The following KAZN variants were observed in gnomAD, a reference collection of about 807,000 sequenced individuals.
The protein encoded by KAZN is kazrin.
Under a neutral mutation model 87.4 loss-of-function variants are expected in KAZN, and 40 were observed. That is an observed-to-expected ratio of 0.46 (90% CI 0.36 to 0.60). The LOEUF (loss-of-function observed/expected upper bound fraction) is 0.60. Among genes scored for constraint, KAZN ranks in the 20% least tolerant of loss-of-function variants. KAZN has a pLI of 0.00. For synonymous variants in KAZN, 466 were observed against 458.3 expected (o/e 1.02, Z -0.22); for missense variants, 898 against 1,073.9 (o/e 0.84, Z 2.29).
intron 1 of KAZN, among the ~76,000 whole-genome samples, chr1:14,842,463 G>A (rs1470487299): frequency 6.6e-6 from 1 of 152,210 alleles, no homozygotes; most frequent in Non-Finnish European, 1.5e-5. Context: ...GCACTGCAGG[G>A]AGGCCCTGGG....
intron 1 of KAZN, among the ~76,000 whole-genome samples, chr1:13,969,294 G>T (rs1403592247): frequency 6.6e-6 from 1 of 152,200 alleles, no homozygotes; most frequent in African/African-American, 2.4e-5. Flanking sequence ...GATGTCATTA[G>T]TTAAGTTAAA....
intron 2 of KAZN, among the ~76,000 whole-genome samples, chr1:14,316,846 T>C (rs72644464): frequency 0.073 from 11,110 of 152,034 alleles, 567 homozygotes; most frequent in Non-Finnish European, 0.11. Flanking sequence ...TTTCCAGATA[T>C]TTTTCTATCA....
chr1:14,140,038 A>G (rs1390093975), intron 1 of KAZN, among the ~76,000 whole-genome samples: 1 of 151,926 alleles, frequency 6.6e-6, no homozygotes, highest in Non-Finnish European at 1.5e-5. Context: ...GACACACCAT[A>G]TAGGCATCCA....
chr1:14,555,348 A>T (rs1435349075), intron 2 of KAZN, among the ~76,000 whole-genome samples: 1 of 152,240 alleles, frequency 6.6e-6, no homozygotes, highest in African/African-American at 2.4e-5. Flanking sequence ...TTTAGCAATT[A>T]CAGTAATAGT....
chr1:14,905,371 T>C (rs986491843), intron 1 of KAZN, among the ~76,000 whole-genome samples: 31 of 152,150 alleles, frequency 2.0e-4, no homozygotes, highest in African/African-American at 7.5e-4. Context: ...CAGGAAATGC[T>C]CTTGGGCTAG....
chr1:14,881,305 C>T (rs1352171454), intron 1 of KAZN, among the ~76,000 whole-genome samples: 2 of 152,206 alleles, frequency 1.3e-5, no homozygotes, highest in Non-Finnish European at 2.9e-5. Context: ...CACTTCCCAA[C>T]CCTTGTCAAA....
intron 2 of KAZN, among the ~76,000 whole-genome samples, chr1:14,366,496 C>A (rs939520740): frequency 6.6e-6 from 1 of 152,240 alleles, no homozygotes; most frequent in Admixed American, 6.5e-5. Flanking sequence ...AACTGGAGGG[C>A]GGGCACTGGA....
chr1:14,303,406 G>C (rs1030005518), intron 2 of KAZN, among the ~76,000 whole-genome samples: 2 of 152,116 alleles, frequency 1.3e-5, no homozygotes, highest in Non-Finnish European at 2.9e-5. Context: ...ACCACACCCG[G>C]CTAATTTTTT....
chr1:14,417,697 CACA>C (rs535614878), intron 2 of KAZN, among the ~76,000 whole-genome samples: 192 of 152,128 alleles, frequency 1.3e-3, no homozygotes, highest in African/African-American at 4.5e-3. Flanking sequence ...GAAATTAAAC[CACA>C]AGAAACCTAC....
chr1:14,313,166 A>T (rs1035519370), intron 2 of KAZN, among the ~76,000 whole-genome samples: 2 of 152,124 alleles, frequency 1.3e-5, no homozygotes, highest in African/African-American at 4.8e-5. Flanking sequence ...TAGGAGATAA[A>T]ACATTACCAG....
At chr1:14,306,240 C>A (rs1228714411) in intron 2 of KAZN, among the ~76,000 whole-genome samples, 1 of 152,200 alleles carries the variant, frequency 6.6e-6, no homozygotes, top group East Asian at 1.9e-4. Context: ...CCCCATATTT[C>A]TCTATCTCTT....
At chr1:14,510,160 C>G (rs752372570) in intron 2 of KAZN, among the ~76,000 whole-genome samples, 11 of 152,154 alleles carry the variant, frequency 7.2e-5, no homozygotes, top group Non-Finnish European at 1.6e-4. Flanking sequence ...GGGTGGATCA[C>G]CTGAGGTTGG....
chr1:14,466,442 A>G (rs1268649419), intron 2 of KAZN, among the ~76,000 whole-genome samples: 2 of 152,144 alleles, frequency 1.3e-5, no homozygotes, highest in African/African-American at 2.4e-5. Flanking sequence ...GGAGCTGAAC[A>G]ATGAGAATGC....
At chr1:14,876,696 T>A (rs1332308656) in intron 1 of KAZN, among the ~76,000 whole-genome samples, 1 of 152,146 alleles carries the variant, frequency 6.6e-6, no homozygotes, top group Non-Finnish European at 1.5e-5. Context: ...GTACCAAAAA[T>A]TGGTATGCTT....
At chr1:13,995,082 A>G (rs1260257317) in intron 1 of KAZN, among the ~76,000 whole-genome samples, 2 of 152,182 alleles carry the variant, frequency 1.3e-5, no homozygotes, top group Non-Finnish European at 2.9e-5. Flanking sequence ...CGTTAATCCA[A>G]CAAAGATCTA....
At chr1:14,535,676 AT>A (rs201986017) in intron 2 of KAZN, among the ~76,000 whole-genome samples, 147 of 141,146 alleles carry the variant, frequency 1.0e-3, no homozygotes, top group Admixed American at 1.6e-3. Context: ...AAAAAAAAAA[AT>A]AAAAATAAAA....
At chr1:14,358,813 T>C (rs1248507997) in intron 2 of KAZN, among the ~76,000 whole-genome samples, 1 of 152,226 alleles carries the variant, frequency 6.6e-6, no homozygotes, top group Non-Finnish European at 1.5e-5. Context: ...TTCTGTTCTT[T>C]TGCATTTACT....
intron 10 of KAZN, among the ~76,000 whole-genome samples, chr1:15,095,942 G>T (rs1192675181): frequency 6.6e-6 from 1 of 152,186 alleles, no homozygotes; most frequent in East Asian, 1.9e-4. Flanking sequence ...GAGCAAGAAG[G>T]TGCCAGGCCT....
chr1:14,831,653 G>A (rs762865774), intron 1 of KAZN, among the ~76,000 whole-genome samples: 4 of 152,058 alleles, frequency 2.6e-5, no homozygotes, highest in African/African-American at 4.8e-5. Flanking sequence ...GCCTACCGCC[G>A]AGGTTTTACA....
Sources: allele counts gnomAD v4.1 joint callset (sites outside exome capture counted in the v4.1 genomes callset), GRCh38; gene constraint gnomAD v4.1.1; transcripts MANE v1.5; gene names NCBI Gene and HGNC (gene_info 2026-07-23, HGNC 2026-07-21).